The following DSG2 variants were observed in gnomAD, a reference collection of about 807,000 sequenced individuals.
The protein encoded by DSG2 is desmoglein-2.
In DSG2, 45 loss-of-function variants were observed where a neutral mutation model predicts 75.6. The observed-to-expected ratio is 0.60, with a 90% confidence interval of 0.47 to 0.76. The LOEUF is 0.76. DSG2 is among the 30% of genes least tolerant of loss of function. The pLI is 0.00. For synonymous variants in DSG2, 429 were observed against 483.9 expected (o/e 0.89, Z 1.49); for missense variants, 1,267 against 1,357.4 (o/e 0.93, Z 1.05).
chr18:31,502,777 A>AAAGG (rs999620578), intron 1 of DSG2, among the ~76,000 whole-genome samples: 3 of 151,568 alleles, frequency 2.0e-5, no homozygotes, highest in Non-Finnish European at 4.4e-5. Flanking sequence ...AGGAGGGAAG[A>AAAGG]AAGGAAGGGA....
At chr18:31,515,960 A>G (rs948679065) in intron 1 of DSG2, among the ~76,000 whole-genome samples, 1 of 152,260 alleles carries the variant, frequency 6.6e-6, no homozygotes, top group Non-Finnish European at 1.5e-5. Flanking sequence ...GTGACCATGC[A>G]GATGGGAAAA....
chr18:31,508,010 A>G (rs2212617), intron 1 of DSG2, among the ~76,000 whole-genome samples: 74,258 of 152,014 alleles, frequency 0.49, 20,698 homozygotes, highest in African/African-American at 0.78. Flanking sequence ...CAATGCCTAT[A>G]TCCTGAATGG....
chr18:31,542,605 TGAAAG>T lies in DSG2; in HGVS notation c.2091_2095del (p.Gly698Ter). 2 of 1,614,048 alleles carry T rather than the reference TGAAAG, an allele frequency of 1.2e-6. No individual in the cohort carries two copies. Among genetic ancestry groups the T allele is most frequent in the Non-Finnish European group, 1.7e-6 (2 of 1,179,996 alleles). On this transcript the variant is annotated frameshift_variant, in exon 14 of 15. Transcript: ENST00000261590. LOFTEE classifies it high-confidence loss of function. Reference sequence around the variant, plus strand: ...GGAGGTATGGCCAAGGAAGCCACGATGAAAGGAAGTAGCTCTGCTTCCATTGTCAA... The same window carrying T: ...GGAGGTATGGCCAAGGAAGCCACGATGAAGTAGCTCTGCTTCCATTGTCAA...
At chr18:31,545,386 A>G (rs564112500) in intron 14 of DSG2, among the ~76,000 whole-genome samples, 9 of 152,326 alleles carry the variant, frequency 5.9e-5, no homozygotes, top group African/African-American at 2.2e-4. Flanking sequence ...GACATAGTCC[A>G]TATTTCAGTT....
chr18:31,536,910 C>A (rs556219558), intron 11 of DSG2, among the ~76,000 whole-genome samples: 1 of 152,304 alleles, frequency 6.6e-6, no homozygotes, highest in South Asian at 2.1e-4. Context: ...AAAGCTCAAA[C>A]CTAGAACATG....
intron 11 of DSG2, among the ~76,000 whole-genome samples, chr18:31,536,817 C>G (rs751273999): frequency 6.6e-6 from 1 of 152,212 alleles, no homozygotes; most frequent in Admixed American, 6.5e-5. Context: ...CTAGCCCACC[C>G]TATGTATTAC....
chr18:31,525,379 C>T (rs1016376357), intron 8 of DSG2, among the ~76,000 whole-genome samples: 7 of 151,992 alleles, frequency 4.6e-5, no homozygotes, highest in Non-Finnish European at 1.0e-4. Context: ...ATTAGCTGGG[C>T]ATGGCGGCAC....
Position 31,531,067 on chromosome 18 carries a change from G to A in DSG2, c.1095G>A (p.Arg365=). 1 of 1,614,054 alleles carries A rather than the reference G, an allele frequency of 6.2e-7. No individual in the cohort carries two copies. Among genetic ancestry groups the A allele is most frequent in the Non-Finnish European group, 8.5e-7 (1 of 1,179,992 alleles). The change falls in exon 9 of 15, where the codon AGG becomes AGA. Residue 365 remains arginine, a synonymous_variant. Transcript: ENST00000261590. ...ANKAAFHKSI[R]SKYKPTPIPI... ...AAGCAGCTTTTCACAAGTCGATTAG[G>A]AGTAAATACAAGCCTACACCCATTC...
At chr18:31,515,589 G>A (rs1376044708) in intron 1 of DSG2, among the ~76,000 whole-genome samples, 3 of 152,144 alleles carry the variant, frequency 2.0e-5, no homozygotes, top group Non-Finnish European at 2.9e-5. Context: ...TAAATTTGGG[G>A]AGCACCACTT....
chr18:31,509,794 C>A (rs1201645121), intron 1 of DSG2, among the ~76,000 whole-genome samples: 2 of 152,174 alleles, frequency 1.3e-5, no homozygotes, highest in Non-Finnish European at 2.9e-5. Context: ...GACTACAGAG[C>A]CTTCTTTGTG....
At chr18:31,542,363 C>T (rs1284946998) in intron 13 of DSG2, 157 bp from the exon 14 acceptor site, 3 of 744,692 alleles carry the variant, frequency 4.0e-6, no homozygotes, top group African/African-American at 3.5e-5. Context: ...CTTCATAAGA[C>T]TTACATAAGT....
chr18:31,503,817 G>A (rs2073025922), intron 1 of DSG2, among the ~76,000 whole-genome samples: 1 of 152,114 alleles, frequency 6.6e-6, no homozygotes, highest in Non-Finnish European at 1.5e-5. Flanking sequence ...AAAGGGGTGG[G>A]AAGGCATTTT....
At chr18:31,512,187 AC>A (rs1292510079) in intron 1 of DSG2, among the ~76,000 whole-genome samples, 4 of 150,784 alleles carry the variant, frequency 2.7e-5, no homozygotes, top group African/African-American at 9.8e-5. Flanking sequence ...CCTCAACACC[AC>A]CCCTGTCTCC....
At chr18:31,522,405 G>C (rs1013100015) in intron 6 of DSG2, 156 bp downstream of exon 6, 56 of 716,130 alleles carry the variant, frequency 7.8e-5, no homozygotes, top group Non-Finnish European at 1.2e-4. Context: ...TGTCCAATAT[G>C]GGCCATGTGA....
chr18:31,518,132 C>CT (rs1029805466), intron 1 of DSG2, 107 bp from the exon 2 acceptor site: 6 of 943,014 alleles, frequency 6.4e-6, no homozygotes, highest in African/African-American at 4.9e-5. Context: ...AGTGGTTAAA[C>CT]TTTTTTTATG....
chr18:31,539,566 G>A (rs1322526397), intron 12 of DSG2, among the ~76,000 whole-genome samples: 2 of 152,092 alleles, frequency 1.3e-5, no homozygotes, highest in Non-Finnish European at 2.9e-5. Flanking sequence ...CCCTACCCAC[G>A]CTCCAAAGAC....
At chr18:31,533,330 G>A (rs927898352) in intron 9 of DSG2, among the ~76,000 whole-genome samples, 60 of 152,060 alleles carry the variant, frequency 3.9e-4, no homozygotes, top group Non-Finnish European at 4.4e-4. Context: ...TTTTCAATTA[G>A]CCAGGCATGG....
chr18:31,545,948 A>G lies in DSG2; in HGVS notation c.2562A>G (p.Arg854=), dbSNP rs1482979438. Residue 854 remains arginine, a synonymous_variant, in exon 15 of 15, where the codon AGA becomes AGG. Transcript: ENST00000261590. The part of the protein sequence containing the change: ...KIDINKEIEQ[R]QKPATETSMN... ...ATATAAATAAGGAAATTGAGCAGAGACAAAAACCTGCCACAGAAACAAGTA... is the reference window on the plus strand; with the variant it reads ...ATATAAATAAGGAAATTGAGCAGAGGCAAAAACCTGCCACAGAAACAAGTA... 3 of 1,614,076 alleles carry G rather than the reference A, an allele frequency of 1.9e-6. No individual in the cohort carries two copies. Among genetic ancestry groups the G allele is most frequent in the African/African-American group, 1.3e-5 (1 of 74,950 alleles).
intron 1 of DSG2, among the ~76,000 whole-genome samples, chr18:31,499,719 A>G (rs2073004279): frequency 6.6e-6 from 1 of 152,164 alleles, no homozygotes; most frequent in Non-Finnish European, 1.5e-5. Context: ...TTCTTTCCAT[A>G]TATGAAAATA....
Sources: gnomAD v4.1 joint callset for allele counts (sites outside exome capture counted in the v4.1 genomes callset) on GRCh38, gnomAD v4.1.1 for gene constraint, MANE v1.5 for transcripts, NCBI Gene and HGNC (gene_info 2026-07-23, HGNC 2026-07-21) for gene names.